EHMT1: variants seen among roughly 807,000 people sequenced by gnomAD.
The protein encoded by EHMT1 is euchromatic histone lysine methyltransferase 1, also known as histone-lysine N-methyltransferase EHMT1.
In EHMT1, 15 loss-of-function variants were observed where a neutral mutation model predicts 147.2. That is an observed-to-expected ratio of 0.10 (90% confidence interval 0.07 to 0.16). The LOEUF (loss-of-function observed/expected upper bound fraction) is 0.16. EHMT1 is among the 10% of genes least tolerant of loss of function. EHMT1 has a pLI of 1.00. For missense variants in EHMT1, 1,587 were observed against 1,772.4 expected (o/e 0.90, Z 1.88); for synonymous variants, 795 against 709.6 (o/e 1.12, Z -1.91).
chr9:137,621,835 C>T (rs981456256), intron 1 of EHMT1, among the ~76,000 whole-genome samples: 9 of 151,792 alleles, frequency 5.9e-5, no homozygotes, highest in African/African-American at 9.7e-5. Flanking sequence ...TACTATGTAT[C>T]GCTTCTTTAT....
chr9:137,764,830 C>T (rs1169375709), intron 10 of EHMT1: 1 of 152,104 alleles, frequency 6.6e-6, no homozygotes. Flanking sequence ...TCCCCTGCTT[C>T]TTCCCATTTG....
intron 5 of EHMT1, 97 bp from the exon 6 acceptor site, chr9:137,743,805 T>C (rs1431694082): frequency 2.8e-6 from 4 of 1,438,276 alleles, no homozygotes; most frequent in Non-Finnish European, 3.8e-6. Flanking sequence ...CCACAGGCCC[T>C]TGCACCTCCC....
chr9:137,699,213 C>T (rs1330754389), intron 1 of EHMT1, among the ~76,000 whole-genome samples: 1 of 152,166 alleles, frequency 6.6e-6, no homozygotes, highest in Non-Finnish European at 1.5e-5. Context: ...TAGAAATTGT[C>T]TTTTAAAAAA....
chr9:137,737,718 GT>G (rs1365744579), intron 4 of EHMT1, among the ~76,000 whole-genome samples: 4 of 152,142 alleles, frequency 2.6e-5, no homozygotes, highest in Admixed American at 2.6e-4. Flanking sequence ...TTGTTTCCCT[GT>G]TTCCCTGCTT....
intron 14 of EHMT1, among the ~76,000 whole-genome samples, chr9:137,780,460 ATG>A (rs1449723545): frequency 9.3e-6 from 1 of 107,798 alleles, no homozygotes; most frequent in Non-Finnish European, 1.8e-5. Flanking sequence ...CATCACTGAG[ATG>A]TGTGGTGATG....
At position 137,716,990 on chromosome 9, in the gene EHMT1, T is replaced by C. The variant is rs753513313; in HGVS notation, c.450T>C (p.His150=). The C allele has an allele frequency of 6.2e-7, 1 of 1,608,908 alleles. No homozygotes were observed. The highest frequency in any genetic ancestry group is 2.2e-5 in the East Asian group (1 of 44,800). ...CTCTGGCCTCTTCGCTGCCTGGCCA[T>C]GCTGCAAAAACCCTTCCTGGAGGGG... ...TSTLASSLPG[H]AAKTLPGGAG... is the part of the protein sequence containing the mutation. Residue 150 remains histidine, a synonymous_variant, in exon 3 of 27, where the codon CAT becomes CAC. Coordinates refer to ENST00000460843, the MANE Select transcript of EHMT1 (RefSeq NM_024757.5).
chr9:137,727,287 AT>A (rs1462156820), intron 3 of EHMT1, among the ~76,000 whole-genome samples: 2 of 152,112 alleles, frequency 1.3e-5, no homozygotes, highest in African/African-American at 4.8e-5. Context: ...TGGCCCAGAA[AT>A]TTTAACTTTG....
chr9:137,623,106 G>A (rs1055202742), intron 1 of EHMT1, among the ~76,000 whole-genome samples: 6 of 151,480 alleles, frequency 4.0e-5, no homozygotes, highest in African/African-American at 7.3e-5. Context: ...CCAGCTACTC[G>A]GGAGGCTGAG....
intron 4 of EHMT1, among the ~76,000 whole-genome samples, chr9:137,737,526 C>G (rs571404483): frequency 6.6e-6 from 1 of 152,204 alleles, no homozygotes; most frequent in South Asian, 2.1e-4. Context: ...GGTCCAGGAC[C>G]TAAATGTAAG....
At chr9:137,708,922 G>A (rs1377456561) in intron 1 of EHMT1, among the ~76,000 whole-genome samples, 3 of 152,214 alleles carry the variant, frequency 2.0e-5, no homozygotes. Context: ...CACTGTGCCT[G>A]GCCTGCTGCC....
chr9:137,644,746 G>T (rs1263934694), intron 1 of EHMT1, among the ~76,000 whole-genome samples: 2 of 152,158 alleles, frequency 1.3e-5, no homozygotes, highest in Non-Finnish European at 2.9e-5. Context: ...TTGAGATCTA[G>T]TCATTGTTTC....
At position 137,782,784 on chromosome 9, in the gene EHMT1, G is replaced by A. The variant is rs1382571294; in HGVS notation, c.2382+387G>A. The stretch of plus-strand genomic sequence containing the variant: ...GATCAGATCGTGTGAGCATTTTCAA[G>A]CTGAACCACGTCGTCTACAGGGTAT... On this transcript the variant is annotated intron_variant, in intron 15 of 26. Coordinates refer to ENST00000460843, the MANE Select transcript of EHMT1 (RefSeq NM_024757.5). This position sits in a 1 kb window ranked among gnomAD's most constrained non-coding sequence, Gnocchi z 5.7. Among the ~76,000 whole-genome samples, 1 of 152,184 alleles carries A rather than the reference G, an allele frequency of 6.6e-6. No individual in the cohort carries two copies. The highest frequency in any genetic ancestry group is 6.5e-5 in the Admixed American group (1 of 15,284).
chr9:137,716,376 G>GGA (rs371002900), intron 2 of EHMT1, among the ~76,000 whole-genome samples: 4 of 111,992 alleles, frequency 3.6e-5, no homozygotes, highest in African/African-American at 1.5e-4. Context: ...GTCATGGTGG[G>GGA]GGAGGAAGTT....
At chr9:137,649,075 T>C (rs1308825670) in intron 1 of EHMT1, among the ~76,000 whole-genome samples, 1 of 152,198 alleles carries the variant, frequency 6.6e-6, no homozygotes, top group African/African-American at 2.4e-5. Context: ...GAGTAGTGTC[T>C]TCCCAAATTC....
At chr9:137,811,127 C>T (rs1270113491) in intron 18 of EHMT1, among the ~76,000 whole-genome samples, 1 of 152,122 alleles carries the variant, frequency 6.6e-6, no homozygotes, top group Non-Finnish European at 1.5e-5. Flanking sequence ...AAGAAAAGTG[C>T]CTCCAAGTGT....
intron 3 of EHMT1, among the ~76,000 whole-genome samples, chr9:137,721,179 C>T (rs1945941075): frequency 7.2e-6 from 1 of 138,788 alleles, no homozygotes; most frequent in African/African-American, 2.5e-5. Flanking sequence ...ACACTCACCC[C>T]CTCCCAGACT....
At chr9:137,721,596 G>A (rs1004768331) in intron 3 of EHMT1, among the ~76,000 whole-genome samples, 14 of 109,564 alleles carry the variant, frequency 1.3e-4, no homozygotes, top group East Asian at 5.5e-4. Context: ...GCCTCTCACC[G>A]TCACCCTCTC....
intron 1 of EHMT1, among the ~76,000 whole-genome samples, chr9:137,679,033 A>G (rs1941677904): frequency 6.6e-6 from 1 of 152,158 alleles, no homozygotes; most frequent in Admixed American, 6.5e-5. Context: ...CGCTCACTGT[A>G]ATCTCCGCCT....
chr9:137,685,754 A>G (rs1942370892), intron 1 of EHMT1, among the ~76,000 whole-genome samples: 1 of 152,186 alleles, frequency 6.6e-6, no homozygotes, highest in Admixed American at 6.5e-5. Flanking sequence ...TGTTGATTGT[A>G]GCTATCCTAG....
Sources: gnomAD v4.1 joint callset for allele counts (sites outside exome capture counted in the v4.1 genomes callset) on GRCh38, gnomAD v4.1.1 for gene constraint, Gnocchi (gnomAD v3.1) non-coding constraint, MANE v1.5 for transcripts, NCBI Gene and HGNC (gene_info 2026-07-23, HGNC 2026-07-21) for gene names.